The following APMAP variants were observed in gnomAD, a reference collection of about 807,000 sequenced individuals.
APMAP encodes adipocyte plasma membrane associated protein.
A neutral mutation model predicts 43.6 loss-of-function variants in APMAP; 33 were observed. That is an observed-to-expected ratio of 0.76 (90% confidence interval 0.57 to 1.01). APMAP has a LOEUF of 1.01. Ranked by LOEUF, APMAP falls within the 50% of genes least tolerant of loss-of-function variation. The pLI is 0.00. For synonymous variants in APMAP, 224 were observed against 216.7 expected (o/e 1.03, Z -0.30); for missense variants, 498 against 540.7 (o/e 0.92, Z 0.78).
chr20:24,964,106 AGGAAC>A (rs1244273461), intron 8 of APMAP, 84 bp from the exon 9 acceptor site: 1 of 1,399,536 alleles, frequency 7.1e-7, no homozygotes, highest in Non-Finnish European at 1.0e-6. Flanking sequence ...CCCACCATCC[AGGAAC>A]GGTCTGACTC....
At position 24,963,439 on chromosome 20, in the gene APMAP, G is replaced by A. The variant is rs112349117; in HGVS notation, c.*374C>T. On this transcript the variant is annotated 3_prime_UTR_variant, in exon 9 of 9. Transcript: ENST00000217456. ...AACTTTGAGGCCGCAGGACAGGGCCGCAGCAGCAAGCTCTCTGGGTAGTGC... is the reference window on the plus strand; with the variant it reads ...AACTTTGAGGCCGCAGGACAGGGCCACAGCAGCAAGCTCTCTGGGTAGTGC... 4.1e-3 allele frequency: 984 copies of A among 240,358 alleles called. 17 individuals carry two copies. Among genetic ancestry groups the A allele is most frequent in the African/African-American group, 0.022 (956 of 44,060 alleles). 14.9% of individuals were successfully genotyped at this position (240,358 alleles called of 1,614,324 possible).
At chr20:24,984,714 T>C (rs2088133140) in intron 1 of APMAP, among the ~76,000 whole-genome samples, 2 of 152,242 alleles carry the variant, frequency 1.3e-5, no homozygotes, top group South Asian at 4.1e-4. Flanking sequence ...TCCCTGGGAA[T>C]CCTGGGTGAA....
chr20:24,964,692 G>A (rs1221937701), intron 8 of APMAP, among the ~76,000 whole-genome samples: 1 of 152,154 alleles, frequency 6.6e-6, no homozygotes, highest in East Asian at 1.9e-4. Flanking sequence ...CGTGATTTCT[G>A]GCAGAGCAGA....
chr20:24,966,186 G>C (rs2087941480), intron 8 of APMAP, among the ~76,000 whole-genome samples: 1 of 152,192 alleles, frequency 6.6e-6, no homozygotes, highest in South Asian at 2.1e-4. Context: ...TTATGTGCTG[G>C]AAAGTGAGGA....
At chr20:24,978,916 T>C (rs1328581667) in intron 2 of APMAP, 34 bp from the exon 3 acceptor site, 7 of 1,535,228 alleles carry the variant, frequency 4.6e-6, no homozygotes, top group Non-Finnish European at 6.3e-6. Flanking sequence ...GATCTGTCTA[T>C]AAATACACAT....
In APMAP at chr20:24,989,315, A is replaced by C. The variant is rs553088264; in HGVS notation, c.95+3279T>G. 7.9e-5 allele frequency among the ~76,000 whole-genome samples: 12 copies of C among 151,992 alleles called. No homozygotes were observed. In the South Asian group the frequency reaches 2.5e-3, roughly 32 times the overall value. ...CTCCATGAGGACATCTGCACCCTGA[A>C]ATTGCCTACACTCTCTGAAGGCAAG... is the stretch of plus-strand genomic sequence containing the variant. On this transcript the variant is annotated intron_variant, in intron 1 of 8. Coordinates refer to ENST00000217456, the MANE Select transcript of APMAP (RefSeq NM_020531.3).
chr20:24,979,870 A>G (rs2088086289), intron 2 of APMAP, among the ~76,000 whole-genome samples: 2 of 151,986 alleles, frequency 1.3e-5, no homozygotes, highest in Admixed American at 1.3e-4. Context: ...TAACCACACC[A>G]GCATCTCCCT....
chr20:24,983,917 A>G lies in APMAP; in HGVS notation c.198T>C (p.Asp66=). The G allele has an allele frequency of 6.2e-7, 1 of 1,611,324 alleles. No individual in the cohort carries two copies. Among genetic ancestry groups the G allele is most frequent in the South Asian group, 1.1e-5 (1 of 90,992 alleles). The change falls in exon 2 of 9, where the codon GAT becomes GAC. Residue 66 remains aspartate (D), a synonymous_variant. Transcript: ENST00000217456. ...GGGCAGCCTACCTGAGAGGCTGTGG[A>G]TCTATAGGAGATTCCAGCAGCATCA... ...GAMMLLESPI[D]PQPLSFKEPP...
rs781693168 is a variant in APMAP at position 24,971,589 on chromosome 20, A to G, written c.422-13T>C. On this transcript the variant is annotated splice_polypyrimidine_tract_variant and intron_variant, in intron 4 of 8. Transcript: ENST00000217456. ...TCATCTCGGGTTTCTAGAAAAACAA[A>G]CAGATGGGGATTGGTAGCTGGTCCC... 5 of 1,606,176 alleles carry G rather than the reference A, an allele frequency of 3.1e-6. No homozygotes were observed. The African/African-American group carries it at 5.4e-5, about 17-fold the overall frequency.
At chr20:24,964,343 T>C (rs1007486650) in intron 8 of APMAP, 4 of 535,198 alleles carry the variant, frequency 7.5e-6, no homozygotes, top group Admixed American at 4.5e-5. Context: ...GTCACAGCAC[T>C]GCAGCCAAGG....
intron 5 of APMAP, 103 bp downstream of exon 5, chr20:24,971,357 C>A: frequency 9.7e-7 from 1 of 1,032,196 alleles, no homozygotes; most frequent in Non-Finnish European, 1.4e-6. Flanking sequence ...ATATCAGAGT[C>A]TTTAGTAGAC....
Position 24,969,450 on chromosome 20 carries a change from C to T in APMAP, c.848+76G>A. On this transcript the variant is annotated intron_variant, in intron 7 of 8. Transcript: ENST00000217456. ...TGCTGCCTCTGATTTCTGTCGATCC[C>T]ATTTCCATGCCCACCCCACCCCGGC... 5 of 1,528,842 alleles carry T rather than the reference C, an allele frequency of 3.3e-6. No individual in the cohort carries two copies. In the South Asian group the frequency reaches 6.2e-5, roughly 19 times the overall value. The allele number at this position is 1,528,842 out of a possible 1,614,324, so 94.7% of individuals were successfully genotyped here.
At chr20:24,972,648 C>A (rs184128232) in intron 4 of APMAP, among the ~76,000 whole-genome samples, 1 of 146,064 alleles carries the variant, frequency 6.8e-6, no homozygotes, top group East Asian at 2.1e-4. Context: ...GTGCTCACTA[C>A]AGGTGCTTTT....
intron 1 of APMAP, among the ~76,000 whole-genome samples, chr20:24,990,146 A>G (rs2088179860): frequency 6.6e-6 from 1 of 152,208 alleles, no homozygotes; most frequent in Admixed American, 6.5e-5. Flanking sequence ...TCAAATAATA[A>G]TTATAAGCTT....
chr20:24,989,936 G>C (rs1163791793), intron 1 of APMAP, among the ~76,000 whole-genome samples: 6 of 152,050 alleles, frequency 3.9e-5, no homozygotes, highest in Non-Finnish European at 8.8e-5. Flanking sequence ...AAATCCTTCA[G>C]AAGTTTATTG....
intron 5 of APMAP, 90 bp from the exon 6 acceptor site, chr20:24,970,461 G>T: frequency 1.7e-6 from 2 of 1,157,396 alleles, no homozygotes; most frequent in African/African-American, 1.6e-5. Flanking sequence ...GATTTAAAAA[G>T]AAAAACTGAA....
At chr20:24,977,619 GAA>G (rs1316068969) in intron 3 of APMAP, among the ~76,000 whole-genome samples, 2 of 152,112 alleles carry the variant, frequency 1.3e-5, no homozygotes, top group Admixed American at 6.5e-5. Context: ...GCTCATCAAA[GAA>G]AGAGAAAAAG....
In APMAP at chr20:24,978,722, ACAGACAGCCTGGAAGGCTCCCCCCCCAC is replaced by A; in HGVS notation, c.328+17_328+44del. ...CCCACAGAACCCGCCCCCTCAGACAACAGACAGCCTGGAAGGCTCCCCCCCCACCCAAGCTTAGACTTACCCCCAATAT... is the reference window on the plus strand; with the variant it reads ...CCCACAGAACCCGCCCCCTCAGACAACCAAGCTTAGACTTACCCCCAATAT... On this transcript the variant is annotated intron_variant, in intron 3 of 8. Transcript: ENST00000217456. The A allele has an allele frequency of 6.2e-6, 5 of 808,338 alleles. No homozygotes were observed. The highest frequency in any genetic ancestry group is 9.9e-6 in the Non-Finnish European group (5 of 504,812). 50.1% of individuals were successfully genotyped at this position (808,338 alleles called of 1,614,324 possible). A position where few individuals can be genotyped will look rare whatever the true frequency, so the allele number is the denominator to read the frequency against.
chr20:24,964,300 C>A (rs2087925255), intron 8 of APMAP: 2 of 609,514 alleles, frequency 3.3e-6, no homozygotes, highest in South Asian at 3.0e-5. Flanking sequence ...GATGGCCTGG[C>A]TGAACTGAGA....
Sources: allele counts gnomAD v4.1 joint callset (sites outside exome capture counted in the v4.1 genomes callset), GRCh38; gene constraint gnomAD v4.1.1; transcripts MANE v1.5; gene names NCBI Gene and HGNC (gene_info 2026-07-23, HGNC 2026-07-21).